The following CSMD3 variants were observed in gnomAD, a reference collection of about 807,000 sequenced individuals.
CSMD3 encodes the protein CUB and Sushi multiple domains 3.
In CSMD3, 177 loss-of-function variants were observed where a neutral mutation model predicts 435.2. The observed-to-expected ratio is 0.41, with a 90% CI of 0.36 to 0.46. The LOEUF is 0.46. CSMD3 is among the 20% of genes least tolerant of loss of function. The pLI, the probability that CSMD3 is intolerant of heterozygous loss-of-function variation, is 0.34. For missense variants in CSMD3, 4,265 were observed against 4,504.6 expected (o/e 0.95, Z 1.52); for synonymous variants, 1,656 against 1,520.5 (o/e 1.09, Z -2.07).
chr8:112,535,170 G>C (rs2131097818), intron 27 of CSMD3, among the ~76,000 whole-genome samples: 1 of 151,810 alleles, frequency 6.6e-6, no homozygotes, highest in South Asian at 2.1e-4. Context: ...GTTCTGGCCA[G>C]GGCAATTAGG....
chr8:112,506,973 C>A, intron 28 of CSMD3, 144 bp from the exon 29 acceptor site: 1 of 699,840 alleles, frequency 1.4e-6, no homozygotes, highest in Non-Finnish European at 2.5e-6. Flanking sequence ...TTGGATACAG[C>A]ATTATGTTTC....
chr8:112,569,688 GC>G (rs1235628479), intron 24 of CSMD3, among the ~76,000 whole-genome samples: 1 of 152,068 alleles, frequency 6.6e-6, no homozygotes, highest in Non-Finnish European at 1.5e-5. Flanking sequence ...TGATAGGATG[GC>G]CAAAAACAGC....
intron 28 of CSMD3, among the ~76,000 whole-genome samples, chr8:112,513,267 C>T (rs1823320949): frequency 6.6e-6 from 1 of 152,170 alleles, no homozygotes; most frequent in South Asian, 2.1e-4. Context: ...ACTGGCCTTC[C>T]TCACTAAGCT....
intron 3 of CSMD3, among the ~76,000 whole-genome samples, chr8:113,256,319 T>C (rs2093380468): frequency 6.6e-6 from 1 of 152,172 alleles, no homozygotes; most frequent in South Asian, 2.1e-4. Context: ...ATTTTAAAAA[T>C]TCATATTAAA....
intron 19 of CSMD3, among the ~76,000 whole-genome samples, chr8:112,648,484 G>C (rs1397255807): frequency 6.6e-6 from 1 of 152,114 alleles, no homozygotes; most frequent in East Asian, 1.9e-4. Flanking sequence ...CACTGAAAAG[G>C]ATGGATTTCT....
chr8:113,037,720 G>A (rs1303265573), intron 5 of CSMD3, among the ~76,000 whole-genome samples: 1 of 151,908 alleles, frequency 6.6e-6, no homozygotes, highest in Non-Finnish European at 1.5e-5. Context: ...CAAACTCCAA[G>A]ATCTCAAATT....
At chr8:112,978,472 C>G (rs1039740649) in intron 6 of CSMD3, among the ~76,000 whole-genome samples, 1 of 151,862 alleles carries the variant, frequency 6.6e-6, no homozygotes, top group Non-Finnish European at 1.5e-5. Context: ...AAACACAGTT[C>G]CAGACCAAAT....
At chr8:112,330,017 C>T (rs116427300) in intron 45 of CSMD3, among the ~76,000 whole-genome samples, 4 of 151,982 alleles carry the variant, frequency 2.6e-5, no homozygotes, top group African/African-American at 7.2e-5. Flanking sequence ...AAACACTTTA[C>T]GGGTTCTGTG....
At chr8:112,329,546 T>C (rs573726643) in intron 45 of CSMD3, among the ~76,000 whole-genome samples, 1 of 152,056 alleles carries the variant, frequency 6.6e-6, no homozygotes, top group Admixed American at 6.6e-5. Context: ...TCTCATACAG[T>C]CAAATTCCTT....
chr8:113,094,634 T>C (rs185781478), intron 5 of CSMD3, among the ~76,000 whole-genome samples: 23 of 152,310 alleles, frequency 1.5e-4, no homozygotes, highest in Non-Finnish European at 2.2e-4. Context: ...TTTACTATAG[T>C]TTACAATAAT....
intron 22 of CSMD3, among the ~76,000 whole-genome samples, chr8:112,592,849 A>C (rs1211947154): frequency 6.6e-6 from 1 of 152,094 alleles, no homozygotes; most frequent in South Asian, 2.1e-4. Context: ...TGTGATATGT[A>C]CTCCAAAAAA....
At chr8:112,308,654 C>T (rs1821669614) in intron 50 of CSMD3, among the ~76,000 whole-genome samples, 1 of 151,922 alleles carries the variant, frequency 6.6e-6, no homozygotes, top group Non-Finnish European at 1.5e-5. Context: ...CGTAACACTA[C>T]ATAATATTTA....
intron 6 of CSMD3, among the ~76,000 whole-genome samples, chr8:112,989,970 T>C (rs1286795860): frequency 6.6e-6 from 1 of 151,862 alleles, no homozygotes; most frequent in Non-Finnish European, 1.5e-5. Flanking sequence ...AGTGAATAAG[T>C]CTCATGAGAT....
intron 1 of CSMD3, among the ~76,000 whole-genome samples, chr8:113,340,986 A>G (rs536943677): frequency 3.1e-4 from 47 of 152,208 alleles, no homozygotes; most frequent in African/African-American, 1.0e-3. Context: ...TGTCACAGCA[A>G]CCATCCTCTT....
intron 45 of CSMD3, among the ~76,000 whole-genome samples, chr8:112,321,766 G>C (rs1453235160): frequency 6.6e-6 from 1 of 152,062 alleles, no homozygotes; most frequent in Non-Finnish European, 1.5e-5. Flanking sequence ...CACTTGCTGT[G>C]CGTGGATGTT....
intron 2 of CSMD3, among the ~76,000 whole-genome samples, chr8:113,305,480 T>A (rs1262705183): frequency 6.6e-6 from 1 of 152,168 alleles, no homozygotes; most frequent in Non-Finnish European, 1.5e-5. Context: ...TTCCACAGAT[T>A]TACTACAAAA....
chr8:112,917,857 C>T (rs1186473068), intron 10 of CSMD3, among the ~76,000 whole-genome samples: 5 of 151,946 alleles, frequency 3.3e-5, no homozygotes, highest in African/African-American at 1.2e-4. Context: ...ACTGATTCCC[C>T]AGATGTGTCA....
At chr8:112,641,456 G>T (rs1185974269) in intron 20 of CSMD3, among the ~76,000 whole-genome samples, 1 of 152,056 alleles carries the variant, frequency 6.6e-6, no homozygotes, top group Non-Finnish European at 1.5e-5. Context: ...CTGCCAAACT[G>T]GTTAATACAA....
At chr8:113,006,372 C>T (rs1564200591) in intron 6 of CSMD3, among the ~76,000 whole-genome samples, 2 of 151,974 alleles carry the variant, frequency 1.3e-5, no homozygotes, top group Non-Finnish European at 2.9e-5. Flanking sequence ...GGAAATATTT[C>T]GTTTCAGAGA....
Sources: gnomAD v4.1 joint callset for allele counts (sites outside exome capture counted in the v4.1 genomes callset) on GRCh38, gnomAD v4.1.1 for gene constraint, MANE v1.5 for transcripts, NCBI Gene and HGNC (gene_info 2026-07-23, HGNC 2026-07-21) for gene names.